CLVS1: variants seen among roughly 807,000 people sequenced by gnomAD.
CLVS1 encodes clavesin-1.
Under a neutral mutation model 33.1 loss-of-function variants are expected in CLVS1, and 10 were observed. That is an observed-to-expected ratio of 0.30 (90% CI 0.19 to 0.51). The LOEUF is 0.51. CLVS1 is among the 20% of genes least tolerant of loss of function. CLVS1 has a pLI of 0.97. For missense variants in CLVS1, 343 were observed against 433.4 expected, an observed-to-expected ratio of 0.79 and a Z score of 1.85; for synonymous variants, 163 against 166.1, an observed-to-expected ratio of 0.98 and a Z score of 0.14.
chr8:61,350,228 T>C (rs1023060252), intron 2 of CLVS1, among the ~76,000 whole-genome samples: 2 of 152,140 alleles, frequency 1.3e-5, no homozygotes, highest in African/African-American at 4.8e-5. Context: ...CTATACCAAA[T>C]AATAAATACC....
At chr8:61,453,326 C>A (rs544495824) in intron 3 of CLVS1, among the ~76,000 whole-genome samples, 1 of 152,026 alleles carries the variant, frequency 6.6e-6, no homozygotes, top group African/African-American at 2.4e-5. Context: ...TAATTAGCAC[C>A]GAGAGCAGCT....
intron 2 of CLVS1, among the ~76,000 whole-genome samples, chr8:61,232,324 C>G (rs958027981): frequency 6.6e-6 from 1 of 152,026 alleles, no homozygotes; most frequent in Non-Finnish European, 1.5e-5. Flanking sequence ...GCGTGAGCCA[C>G]CGCGCCTGGC....
intron 1 of CLVS1, among the ~76,000 whole-genome samples, 182 bp from the exon 2 acceptor site, chr8:61,299,495 C>T (rs144202125): frequency 7.5e-4 from 114 of 152,272 alleles, no homozygotes; most frequent in African/African-American, 2.3e-3. Context: ...TTCAAGTTGT[C>T]TATAATCAAC....
intron 5 of CLVS1, among the ~76,000 whole-genome samples, chr8:61,470,619 T>C (rs529652211): frequency 6.6e-6 from 1 of 152,362 alleles, no homozygotes; most frequent in African/African-American, 2.4e-5. Context: ...CCAATTAAGC[T>C]GATGCTGTTT....
At chr8:61,478,360 C>A (rs1183003773) in intron 5 of CLVS1, among the ~76,000 whole-genome samples, 5 of 152,096 alleles carry the variant, frequency 3.3e-5, no homozygotes. Flanking sequence ...GAGTTCAATT[C>A]CTGGATATCC....
At chr8:61,284,694 A>T (rs971550786), upstream of CLVS1, among the ~76,000 whole-genome samples, 1 of 152,218 alleles carries the variant, frequency 6.6e-6, no homozygotes, top group Non-Finnish European at 1.5e-5. Flanking sequence ...AGGTCTTGCC[A>T]TGTTGGAAAA....
chr8:61,139,850 C>T (rs1806274527), intron 2 of CLVS1, among the ~76,000 whole-genome samples: 4 of 152,220 alleles, frequency 2.6e-5, no homozygotes, highest in East Asian at 1.9e-4. Context: ...CTTGTGCCGT[C>T]GCAGATTCCT....
At chr8:60,993,558 C>A in the CLVS1 span, among the ~76,000 whole-genome samples, 1 of 152,332 alleles carries the variant, frequency 6.6e-6, no homozygotes, top group East Asian at 1.9e-4. Flanking sequence ...TGAGGATGAT[C>A]TGGTTTAATA....
intron 5 of CLVS1, among the ~76,000 whole-genome samples, chr8:61,482,684 C>T (rs754092131): frequency 5.7e-4 from 87 of 152,138 alleles, no homozygotes; most frequent in Non-Finnish European, 1.2e-3. Context: ...TGAACAAAGC[C>T]TCCAAGAGGT....
At chr8:61,055,791 C>T (rs1482232895), upstream of CLVS1, among the ~76,000 whole-genome samples, 3 of 152,224 alleles carry the variant, frequency 2.0e-5, no homozygotes, top group African/African-American at 7.2e-5. Context: ...ATAGAAAAGT[C>T]CTCACATCCT....
chr8:61,211,392 C>A (rs118102720), intron 2 of CLVS1, among the ~76,000 whole-genome samples: 2 of 149,618 alleles, frequency 1.3e-5, no homozygotes, highest in Non-Finnish European at 1.5e-5. Flanking sequence ...TCTTCCTTCC[C>A]CCTTTACCTC....
chr8:61,143,065 T>C (rs7813719), intron 2 of CLVS1, among the ~76,000 whole-genome samples: 53,310 of 152,146 alleles, frequency 0.35, 10,267 homozygotes, highest in East Asian at 0.64. Flanking sequence ...TTGCTTTGTA[T>C]GTGATCATAA....
chr8:61,335,464 G>A (rs1196205329), intron 2 of CLVS1, among the ~76,000 whole-genome samples: 1 of 152,220 alleles, frequency 6.6e-6, no homozygotes, highest in African/African-American at 2.4e-5. Context: ...TGCAAAGGCA[G>A]TTTCAAAACC....
At chr8:60,983,233 A>G in the CLVS1 span, among the ~76,000 whole-genome samples, 5 of 152,164 alleles carry the variant, frequency 3.3e-5, no homozygotes, top group Admixed American at 1.3e-4. Flanking sequence ...TGGAATTCTG[A>G]GTGTGTGTTA....
chr8:61,080,845 G>C (rs1457720554), intron 1 of CLVS1, among the ~76,000 whole-genome samples: 1 of 152,172 alleles, frequency 6.6e-6, no homozygotes, highest in South Asian at 2.1e-4. Flanking sequence ...AAGGAGAGAG[G>C]AAGTGAGCCA....
intron 1 of CLVS1, among the ~76,000 whole-genome samples, chr8:61,072,200 G>C (rs2129280487): frequency 6.6e-6 from 1 of 152,286 alleles, no homozygotes; most frequent in East Asian, 1.9e-4. Context: ...TTCACCCGCT[G>C]CCTTCAACAC....
At position 61,490,280 on chromosome 8, in the gene CLVS1, G is replaced by A. The variant is rs917330114; in HGVS notation, c.978-9175G>A. 1.1e-4 allele frequency among the ~76,000 whole-genome samples: 16 copies of A among 148,532 alleles called. 1 individual carries two copies. The highest frequency in any genetic ancestry group is 2.0e-4 in the East Asian group (1 of 5,058). ...AGAGGTTGCAGTGAGCCAAGATTGC[G>A]CCACTGCACTCCATCCTGGGCAACA... On this transcript the variant is annotated intron_variant, in intron 5 of 5. Coordinates refer to ENST00000325897, the MANE Select transcript of CLVS1 (RefSeq NM_173519.3).
At chr8:61,085,513 A>G (rs1025173130) in intron 1 of CLVS1, among the ~76,000 whole-genome samples, 6 of 152,118 alleles carry the variant, frequency 3.9e-5, no homozygotes, top group Admixed American at 3.9e-4. Context: ...ATATAAGGAG[A>G]AAAAAAGCCC....
chr8:61,331,852 T>C (rs868422481), intron 2 of CLVS1, among the ~76,000 whole-genome samples: 26 of 141,708 alleles, frequency 1.8e-4, no homozygotes, highest in East Asian at 4.1e-4. Context: ...TCCTCCTCCT[T>C]CTTCTTCTCC....
Sources: allele counts gnomAD v4.1 joint callset (sites outside exome capture counted in the v4.1 genomes callset), GRCh38; gene constraint gnomAD v4.1.1; transcripts MANE v1.5; gene names NCBI Gene and HGNC (gene_info 2026-07-23, HGNC 2026-07-21).